PHF24: variants seen among roughly 807,000 people sequenced by gnomAD.
PHF24 encodes the protein Galpha inhibitory interacting protein.
A neutral mutation model predicts 42.6 loss-of-function variants in PHF24; 25 were observed. The observed-to-expected ratio is 0.59, with a 90% CI of 0.43 to 0.82. The LOEUF is 0.82. Ranked by LOEUF, PHF24 falls within the 40% of genes least tolerant of loss-of-function variation. The pLI is 0.00. For synonymous variants in PHF24, 185 were observed against 204.8 expected (o/e 0.90, Z 0.83); for missense variants, 470 against 538.1 (o/e 0.87, Z 1.25).
chr9:34,726,660 T>C, the PHF24 span: 3 of 1,551,814 alleles, frequency 1.9e-6, no homozygotes, highest in South Asian at 3.6e-5. Flanking sequence ...TAATCTTGTA[T>C]GCCATCTGCA....
the PHF24 span, among the ~76,000 whole-genome samples, chr9:34,879,059 G>A: frequency 6.6e-6 from 1 of 152,194 alleles, no homozygotes; most frequent in African/African-American, 2.4e-5. Context: ...AATATTTGCT[G>A]TTCTGCAGCC....
At chr9:34,730,778 G>A in the PHF24 span, among the ~76,000 whole-genome samples, 2 of 152,218 alleles carry the variant, frequency 1.3e-5, no homozygotes, top group Admixed American at 1.3e-4. Flanking sequence ...TAACAGTGCA[G>A]GTTGTGGGTA....
the PHF24 span, among the ~76,000 whole-genome samples, chr9:34,861,302 G>A: frequency 3.9e-5 from 6 of 152,178 alleles, no homozygotes; most frequent in African/African-American, 1.2e-4. Context: ...CTATGGACAT[G>A]CAAAGGCCAC....
At chr9:34,898,036 C>CAT in the PHF24 span, among the ~76,000 whole-genome samples, 32 of 152,180 alleles carry the variant, frequency 2.1e-4, no homozygotes, top group Non-Finnish European at 3.1e-4. Flanking sequence ...AGTATTCCAT[C>CAT]ATATATATAT....
At chr9:34,703,119 C>G in the PHF24 span, among the ~76,000 whole-genome samples, 1 of 152,168 alleles carries the variant, frequency 6.6e-6, no homozygotes. Flanking sequence ...CTGACTCCCA[C>G]TAGGTCATTT....
chr9:34,808,172 G>A, the PHF24 span, among the ~76,000 whole-genome samples: 1 of 152,280 alleles, frequency 6.6e-6, no homozygotes, highest in African/African-American at 2.4e-5. Context: ...TAGGGAGGTT[G>A]TTTAATCTTT....
chr9:34,745,303 T>C, the PHF24 span, among the ~76,000 whole-genome samples: 1 of 152,146 alleles, frequency 6.6e-6, no homozygotes, highest in Non-Finnish European at 1.5e-5. Flanking sequence ...TGGTGAGCCA[T>C]GGTCAAGAGG....
At chr9:34,956,034 T>C (rs1047395089), upstream of PHF24, among the ~76,000 whole-genome samples, 1 of 152,228 alleles carries the variant, frequency 6.6e-6, no homozygotes, top group Non-Finnish European at 1.5e-5. Flanking sequence ...TTAACCCAAG[T>C]ACCTCCCTTC....
At chr9:34,757,882 C>T in the PHF24 span, among the ~76,000 whole-genome samples, 3 of 151,972 alleles carry the variant, frequency 2.0e-5, no homozygotes, top group Non-Finnish European at 2.9e-5. Context: ...GGATTAGGGC[C>T]ATAGGGCTAT....
At chr9:34,740,589 C>T in the PHF24 span, among the ~76,000 whole-genome samples, 723 of 152,310 alleles carry the variant, frequency 4.7e-3, 9 homozygotes, top group African/African-American at 0.016. Flanking sequence ...AAGCACCTCG[C>T]GCAGCCCCGG....
chr9:34,973,817 G>A (rs771324084), intron 3 of PHF24, among the ~76,000 whole-genome samples: 3 of 152,062 alleles, frequency 2.0e-5, no homozygotes, highest in Non-Finnish European at 4.4e-5. Context: ...CTGCTTTGCG[G>A]TGTGCTGCTG....
chr9:34,701,323 G>A, the PHF24 span, among the ~76,000 whole-genome samples: 3 of 152,188 alleles, frequency 2.0e-5, no homozygotes, highest in Non-Finnish European at 4.4e-5. The surrounding 1 kb of genome is among the most constrained non-coding windows in gnomAD (Gnocchi z 5.8). Flanking sequence ...GATGGTTAGT[G>A]TATGTCGCAT....
chr9:34,810,810 C>G, the PHF24 span, among the ~76,000 whole-genome samples: 2 of 152,174 alleles, frequency 1.3e-5, no homozygotes, highest in Non-Finnish European at 2.9e-5. Context: ...TCCATGGTAG[C>G]CCAGTTGCTC....
chr9:34,852,501 G>A, the PHF24 span, among the ~76,000 whole-genome samples: 2 of 152,180 alleles, frequency 1.3e-5, no homozygotes, highest in South Asian at 2.1e-4. Context: ...GTCTGGGAAA[G>A]TCTTTATCTC....
At chr9:34,770,004 T>G in the PHF24 span, among the ~76,000 whole-genome samples, 2 of 152,104 alleles carry the variant, frequency 1.3e-5, no homozygotes, top group Non-Finnish European at 2.9e-5. Context: ...AGAACCTTAT[T>G]GAGAGGAAAG....
chr9:34,777,632 G>C, the PHF24 span, among the ~76,000 whole-genome samples: 1 of 152,170 alleles, frequency 6.6e-6, no homozygotes, highest in African/African-American at 2.4e-5. Context: ...GCAAAGTAGT[G>C]CTTTGCTCAT....
the PHF24 span, among the ~76,000 whole-genome samples, chr9:34,853,572 T>C: frequency 6.6e-6 from 1 of 151,562 alleles, no homozygotes; most frequent in Non-Finnish European, 1.5e-5. Flanking sequence ...CTCACGCCTG[T>C]AATCCCAGCA....
At chr9:34,709,595 C>T in the PHF24 span, 1 of 1,614,208 alleles carries the variant, frequency 6.2e-7, no homozygotes, top group Non-Finnish European at 8.5e-7. Context: ...GGGATGGTGT[C>T]TTGTCCAGAT....
chr9:34,671,961 T>G, the PHF24 span, among the ~76,000 whole-genome samples: 1 of 152,222 alleles, frequency 6.6e-6, no homozygotes, highest in East Asian at 1.9e-4. Flanking sequence ...ATCTGTATGT[T>G]CAACCATTAT....
Sources: allele counts gnomAD v4.1 joint callset (sites outside exome capture counted in the v4.1 genomes callset), GRCh38; gene constraint gnomAD v4.1.1; non-coding constraint Gnocchi (gnomAD v3.1); transcripts MANE v1.5; gene names NCBI Gene and HGNC (gene_info 2026-07-23, HGNC 2026-07-21).